The following CEP126 variants were observed in gnomAD, a reference collection of about 807,000 sequenced individuals.
CEP126 encodes the protein centrosomal protein 126.
In CEP126, 74 loss-of-function variants were observed where a neutral mutation model predicts 107.8. The ratio of observed to expected loss-of-function variants is 0.69; its 90% CI spans 0.57 to 0.83. The LOEUF (loss-of-function observed/expected upper bound fraction) is 0.83, where lower values mean the gene tolerates loss of function less well. Among genes scored for constraint, CEP126 ranks in the 40% least tolerant of loss-of-function variants. The pLI is 0.00. For missense variants in CEP126, 1,237 were observed against 1,281.9 expected (o/e 0.96, Z 0.53); for synonymous variants, 449 against 446.0 (o/e 1.01, Z -0.08).
chr11:101,980,418 A>G (rs1353933048), intron 7 of CEP126, among the ~76,000 whole-genome samples: 1 of 152,160 alleles, frequency 6.6e-6, no homozygotes, highest in Non-Finnish European at 1.5e-5. Context: ...CCCTCTGTAA[A>G]TTCATTTTTA....
intron 9 of CEP126, among the ~76,000 whole-genome samples, chr11:101,988,674 T>A (rs1012852134): frequency 6.6e-6 from 1 of 151,988 alleles, no homozygotes; most frequent in African/African-American, 2.4e-5. Context: ...ACTTTCAAAT[T>A]TAATACCTTC....
chr11:101,958,275 G>A lies in CEP126; in HGVS notation c.614G>A (p.Arg205Lys), dbSNP rs61743062. ...GAGAAAGAAATGAATGAAAACATGA[G>A]GGCAACCTTGGCTACTAGCAAAAAT... The part of the protein sequence containing the change: ...NCEKEMNENM[R>K]ATLATSKNVF... The change falls in exon 5 of 11, where the codon AGG (arginine) becomes AAG (lysine). Residue 205 changes from arginine (R) to lysine (K), a missense_variant. Physicochemically the swap from Arg to Lys is conservative, Grantham distance 26. Around this residue, in one of 3 missense-constraint regions of CEP126, gnomAD observed 1,134 missense variants for 1,150.5 expected, o/e 0.99. Transcript: ENST00000263468. 32,805 of 1,613,904 alleles carry A rather than the reference G, an allele frequency of 0.02. 394 individuals carry two copies. Among genetic ancestry groups the A allele is most frequent in the Middle Eastern group, 0.037 (223 of 6,054 alleles).
intron 4 of CEP126, among the ~76,000 whole-genome samples, chr11:101,954,754 T>A (rs1301974622): frequency 6.6e-6 from 1 of 152,074 alleles, no homozygotes; most frequent in Non-Finnish European, 1.5e-5. Context: ...TCTCCACAGA[T>A]AACCAATAAT....
In CEP126 at chr11:101,963,153, A is replaced by T; in HGVS notation, c.2118A>T (p.Ala706=). ...TTACGACTTTAGGAGGATCTGGAGC[A>T]GACCATATGCCTTTGAACTGTTTTA... ...ENVTTLGGSG[A]DHMPLNCFIP... is the part of the protein sequence containing the mutation. The change falls in exon 6 of 11, where the codon GCA becomes GCT. Residue 706 remains alanine, a synonymous_variant. Transcript: ENST00000263468. The T allele has an allele frequency of 2.5e-6, 4 of 1,614,114 alleles. No homozygotes were observed. The highest frequency in any genetic ancestry group is 3.4e-6 in the Non-Finnish European group (4 of 1,179,990).
intron 1 of CEP126, 82 bp downstream of exon 1, chr11:101,915,494 T>G: frequency 6.6e-7 from 1 of 1,520,216 alleles, no homozygotes; most frequent in Non-Finnish European, 8.9e-7. Flanking sequence ...CCCATTACCT[T>G]TGACGCAGGG....
rs190178593 is a variant in CEP126 at position 101,940,957 on chromosome 11, T to C, written c.249-3308T>C. 5.9e-5 allele frequency among the ~76,000 whole-genome samples: 9 copies of C among 152,282 alleles called. No homozygotes were observed. In the East Asian group the frequency reaches 1.5e-3, roughly 26 times the overall value. Reference sequence around the variant, plus strand: ...GAGGTGACTACATAATCATGCTTCATTGGACATTATGTTTAGAGACTGACT... The same window carrying C: ...GAGGTGACTACATAATCATGCTTCACTGGACATTATGTTTAGAGACTGACT... On this transcript the variant is annotated intron_variant, in intron 2 of 10. Coordinates refer to ENST00000263468, the MANE Select transcript of CEP126 (RefSeq NM_020802.4).
chr11:101,993,165 G>A (rs1941404998), intron 10 of CEP126, among the ~76,000 whole-genome samples: 1 of 152,144 alleles, frequency 6.6e-6, no homozygotes, highest in African/African-American at 2.4e-5. Flanking sequence ...CAGGTAATAA[G>A]CAGAGTACCT....
intron 5 of CEP126, among the ~76,000 whole-genome samples, chr11:101,959,331 CT>C (rs1481284693): frequency 6.6e-6 from 1 of 151,762 alleles, no homozygotes; most frequent in Non-Finnish European, 1.5e-5. Flanking sequence ...AATTTTTGTA[CT>C]TTTAGTAGAG....
chr11:101,956,024 T>G (rs1407460798), intron 4 of CEP126: 1 of 456,554 alleles, frequency 2.2e-6, no homozygotes, highest in Non-Finnish European at 4.4e-6. Context: ...ATATCATCCT[T>G]GTCCTCCAAC....
In CEP126 at chr11:101,963,627, T is replaced by C. The variant is rs757011830; in HGVS notation, c.2592T>C (p.Ala864=). 11 of 1,614,050 alleles carry C rather than the reference T, an allele frequency of 6.8e-6. No individual in the cohort carries two copies. The highest frequency in any genetic ancestry group is 8.5e-6 in the Non-Finnish European group (10 of 1,180,028). ...AAAGTAGTTCTCCACTCTCAAATGC[T>C]TGTTCTGACCTAGTCACTGTGATAC... is the stretch of plus-strand genomic sequence containing the variant. ...NQESSSPLSN[A]CSDLVTVIPS... The change falls in exon 6 of 11, where the codon GCT becomes GCC. Residue 864 remains alanine (A), a synonymous_variant. Coordinates refer to ENST00000263468, the MANE Select transcript of CEP126 (RefSeq NM_020802.4).
At chr11:101,959,946 A>G (rs1272797432) in intron 5 of CEP126, among the ~76,000 whole-genome samples, 1 of 152,236 alleles carries the variant, frequency 6.6e-6, no homozygotes, top group Non-Finnish European at 1.5e-5. Flanking sequence ...TAAAATTTAA[A>G]TAAAATTTCA....
Position 101,963,844 on chromosome 11 carries a change from G to C in CEP126, c.2809G>C (p.Gly937Arg), listed in dbSNP as rs1445013848. ...AGAATCAGTTCCCTTATGGAAAAGA[G>C]GTCCTAATGTCCTGCATCAAAATAA... ...EEESVPLWKR[G>R]PNVLHQNKRA... Residue 937 changes from glycine (G) to arginine (R), a missense_variant, in exon 6 of 11, where the codon GGT becomes CGT. Physicochemically the swap from Gly to Arg is moderately radical, Grantham distance 125 (BLOSUM62 -2). This residue lies in a region of CEP126 where 1,134 missense variants were observed against 1,150.5 expected (regional missense o/e 0.99). Coordinates refer to ENST00000263468, the MANE Select transcript of CEP126 (RefSeq NM_020802.4). The C allele has an allele frequency of 6.2e-7, 1 of 1,612,736 alleles. No homozygotes were observed. Among genetic ancestry groups the C allele is most frequent in the Admixed American group, 1.7e-5 (1 of 59,724 alleles).
In CEP126 at chr11:101,915,237, A is replaced by G. The variant is rs765313268; in HGVS notation, c.-48A>G. On this transcript the variant is annotated 5_prime_UTR_variant, in exon 1 of 11. It removes an upstream start codon present in the reference 5' UTR. Coordinates refer to ENST00000263468, the MANE Select transcript of CEP126 (RefSeq NM_020802.4). ...GGAGGAGGAGGAAGCCGGAGCTGCC[A>G]TGAGGGAGGTTCTGGGGGCGAGCAG... 2.5e-6 allele frequency: 4 copies of G among 1,608,378 alleles called. No individual in the cohort carries two copies. Among genetic ancestry groups the G allele is most frequent in the Non-Finnish European group, 3.4e-6 (4 of 1,177,272 alleles).
At chr11:101,954,278 G>A (rs547987024) in intron 4 of CEP126, among the ~76,000 whole-genome samples, 42 of 152,126 alleles carry the variant, frequency 2.8e-4, no homozygotes, top group Middle Eastern at 3.4e-3. Context: ...CACCCGCCTC[G>A]GCCTCCCAAA....
intron 1 of CEP126, among the ~76,000 whole-genome samples, chr11:101,922,175 T>C (rs1234450576): frequency 1.3e-5 from 2 of 150,874 alleles, no homozygotes; most frequent in African/African-American, 4.9e-5. Flanking sequence ...TTTTTTTTTT[T>C]TTTTTTGAGA....
At chr11:101,942,732 T>C (rs1309739704) in intron 2 of CEP126, among the ~76,000 whole-genome samples, 2 of 152,012 alleles carry the variant, frequency 1.3e-5, no homozygotes, top group Non-Finnish European at 2.9e-5. Context: ...CTTAACAATA[T>C]CTTTTTTTAA....
chr11:101,963,006 A>G lies in CEP126; in HGVS notation c.1971A>G (p.Gln657=). The change falls in exon 6 of 11, where the codon CAA becomes CAG. Residue 657 remains glutamine, a synonymous_variant. Transcript: ENST00000263468. ...HSLKNKTGTT[Q]QHSQQFHIQS... ...TGAAGAATAAAACAGGAACAACTCA[A>G]CAGCATTCTCAACAATTCCACATTC... 2 of 1,613,978 alleles carry G rather than the reference A, an allele frequency of 1.2e-6. No individual in the cohort carries two copies. The highest frequency in any genetic ancestry group is 1.7e-6 in the Non-Finnish European group (2 of 1,179,950).
At chr11:101,933,264 G>C (rs1305257324) in intron 2 of CEP126, among the ~76,000 whole-genome samples, 1 of 152,136 alleles carries the variant, frequency 6.6e-6, no homozygotes, top group Non-Finnish European at 1.5e-5. Flanking sequence ...TTACAATTTA[G>C]TGAGATAAAT....
In CEP126 at chr11:101,978,405, G is replaced by A. The variant is rs1941217911; in HGVS notation, c.2904G>A (p.Glu968=). 4 of 1,613,636 alleles carry A rather than the reference G, an allele frequency of 2.5e-6. No individual in the cohort carries two copies. The highest frequency in any genetic ancestry group is 3.3e-4 in the Middle Eastern group (2 of 6,058). ...AAACTAAGCGGAGAAATATTTTAGA[G>A]CAGAAAAGACAAAACCCTGGATCTG... ...IAETKRRNIL[E]QKRQNPGSVG... Residue 968 remains glutamate, a synonymous_variant, in exon 7 of 11, where the codon GAG becomes GAA. Transcript: ENST00000263468.
Sources: allele counts gnomAD v4.1 joint callset (sites outside exome capture counted in the v4.1 genomes callset), GRCh38; gene constraint gnomAD v4.1.1; regional missense constraint gnomAD v4.1.1; transcripts MANE v1.5; gene names NCBI Gene and HGNC (gene_info 2026-07-23, HGNC 2026-07-21).